The following ANGPT1 variants were observed in gnomAD, a reference collection of about 807,000 sequenced individuals.
ANGPT1 encodes angiopoietin 1.
ANGPT1 carries 17 observed loss-of-function variants against 62.2 expected under a neutral mutation model. The observed-to-expected ratio is 0.27, with a 90% CI of 0.19 to 0.41. The LOEUF is 0.41. Among genes scored for constraint, ANGPT1 ranks in the 10% least tolerant of loss-of-function variants. ANGPT1 has a pLI of 1.00. For synonymous variants in ANGPT1, 199 were observed against 198.9 expected (o/e 1.00, Z 0.00); for missense variants, 478 against 594.9 (o/e 0.80, Z 2.04).
chr8:107,360,910 A>G (rs969296651), intron 1 of ANGPT1, among the ~76,000 whole-genome samples: 1 of 152,234 alleles, frequency 6.6e-6, no homozygotes, highest in Non-Finnish European at 1.5e-5. Flanking sequence ...AATAAGAAAC[A>G]TAATAATTTT....
At chr8:107,420,505 C>G (rs1810869823) in intron 1 of ANGPT1, among the ~76,000 whole-genome samples, 1 of 152,128 alleles carries the variant, frequency 6.6e-6, no homozygotes, top group South Asian at 2.1e-4. Flanking sequence ...AGTTGTCTCT[C>G]CTCTATTTAC....
At position 107,453,477 on chromosome 8, in the gene ANGPT1, A is replaced by G. The variant is rs147537278; in HGVS notation, c.297+43785T>C. ...GGCAGCAGGCAAAGAGAGAGCACTT[A>G]TACAGGGAAACTCCCCCTTATAAAA... On this transcript the variant is annotated intron_variant, in intron 1 of 8. Coordinates refer to ENST00000517746, the MANE Select transcript of ANGPT1 (RefSeq NM_001146.5). Among the ~76,000 whole-genome samples the G allele has an allele frequency of 9.4e-3, 1,433 of 152,016 alleles. 25 individuals are homozygous for G. The highest frequency in any genetic ancestry group is 0.032 in the African/African-American group (1,326 of 41,498).
At chr8:107,455,039 T>A (rs1444610709) in intron 1 of ANGPT1, among the ~76,000 whole-genome samples, 1 of 152,056 alleles carries the variant, frequency 6.6e-6, no homozygotes, top group Admixed American at 6.6e-5. Flanking sequence ...AAAATATTCC[T>A]TCAGAAGCCT....
intron 1 of ANGPT1, among the ~76,000 whole-genome samples, chr8:107,373,742 T>C (rs1269906054): frequency 6.6e-6 from 1 of 152,244 alleles, no homozygotes; most frequent in Non-Finnish European, 1.5e-5. Context: ...TGCCTCACTT[T>C]CCCTTCAGGT....
At chr8:107,264,027 G>T (rs969409561) in intron 8 of ANGPT1, among the ~76,000 whole-genome samples, 194 bp downstream of exon 8, 1 of 152,078 alleles carries the variant, frequency 6.6e-6, no homozygotes, top group Non-Finnish European at 1.5e-5. Context: ...GTTGGGGGAG[G>T]ACGCAAACCT....
chr8:107,464,065 G>A (rs138298910), intron 1 of ANGPT1, among the ~76,000 whole-genome samples: 163 of 152,274 alleles, frequency 1.1e-3, no homozygotes, highest in African/African-American at 3.7e-3. Flanking sequence ...AGTGTGGTGA[G>A]TAAGAACATA....
intron 1 of ANGPT1, among the ~76,000 whole-genome samples, chr8:107,404,147 TG>T (rs1371336623): frequency 6.6e-6 from 1 of 152,176 alleles, no homozygotes; most frequent in Non-Finnish European, 1.5e-5. Flanking sequence ...ACTCTTATTT[TG>T]TAGAGAGTAA....
intron 2 of ANGPT1, among the ~76,000 whole-genome samples, chr8:107,345,628 AGAGGG>A (rs1469211160): frequency 6.6e-6 from 1 of 152,180 alleles, no homozygotes; most frequent in East Asian, 1.9e-4. Context: ...ATTTTGTAGG[AGAGGG>A]TGAGCATTCT....
intron 1 of ANGPT1, among the ~76,000 whole-genome samples, chr8:107,360,497 GA>G (rs1395200803): frequency 6.6e-6 from 1 of 152,164 alleles, no homozygotes; most frequent in Non-Finnish European, 1.5e-5. Flanking sequence ...GTTAGGGCAA[GA>G]ATTACAAACA....
At chr8:107,308,784 A>G (rs1246106685) in intron 4 of ANGPT1, among the ~76,000 whole-genome samples, 1 of 152,162 alleles carries the variant, frequency 6.6e-6, no homozygotes, top group African/African-American at 2.4e-5. Context: ...ATCTAAAGGG[A>G]TAGAATAGAG....
At chr8:107,472,529 G>A (rs749619563) in intron 1 of ANGPT1, among the ~76,000 whole-genome samples, 12 of 151,944 alleles carry the variant, frequency 7.9e-5, no homozygotes, top group African/African-American at 2.7e-4. Flanking sequence ...GTTGGGTACC[G>A]TTCTTAAGAA....
chr8:107,424,283 A>G (rs1383222088), intron 1 of ANGPT1, among the ~76,000 whole-genome samples: 1 of 152,216 alleles, frequency 6.6e-6, no homozygotes, highest in Non-Finnish European at 1.5e-5. Flanking sequence ...TTGGAAATTC[A>G]AATCCATTTA....
chr8:107,366,916 C>T (rs1455798347), intron 1 of ANGPT1, among the ~76,000 whole-genome samples: 1 of 152,102 alleles, frequency 6.6e-6, no homozygotes, highest in Non-Finnish European at 1.5e-5. Context: ...ATCACTCATT[C>T]TGGGGAAAGT....
chr8:107,349,149 G>GATAGATAT (rs1307643717), intron 1 of ANGPT1, among the ~76,000 whole-genome samples: 1 of 151,952 alleles, frequency 6.6e-6, no homozygotes, highest in Non-Finnish European at 1.5e-5. Flanking sequence ...TAGATAGATA[G>GATAGATAT]ATAGATAGAT....
At chr8:107,407,954 T>A (rs995408160) in intron 1 of ANGPT1, among the ~76,000 whole-genome samples, 1 of 152,220 alleles carries the variant, frequency 6.6e-6, no homozygotes, top group Non-Finnish European at 1.5e-5. Context: ...AACTCAGCAG[T>A]GGGCTGCAGC....
intron 1 of ANGPT1, among the ~76,000 whole-genome samples, chr8:107,377,856 A>C (rs1377944916): frequency 6.6e-6 from 1 of 152,186 alleles, no homozygotes; most frequent in Non-Finnish European, 1.5e-5. Context: ...CCAAAGATTA[A>C]TATTTGTAAA....
chr8:107,459,984 T>C (rs1812023965), intron 1 of ANGPT1, among the ~76,000 whole-genome samples: 1 of 152,178 alleles, frequency 6.6e-6, no homozygotes, highest in Non-Finnish European at 1.5e-5. Flanking sequence ...TCCAAATGAT[T>C]GTTGGCAGAC....
intron 4 of ANGPT1, among the ~76,000 whole-genome samples, chr8:107,310,280 T>C (rs1421236848): frequency 6.6e-6 from 1 of 152,202 alleles, no homozygotes; most frequent in African/African-American, 2.4e-5. Context: ...TTTATCAATA[T>C]ATTGCTTTAC....
Position 107,413,268 on chromosome 8 carries a change from G to A in ANGPT1, c.298-66171C>T, listed in dbSNP as rs559640758. On this transcript the variant is annotated intron_variant, in intron 1 of 8. Coordinates refer to ENST00000517746, the MANE Select transcript of ANGPT1 (RefSeq NM_001146.5). ...TTATGAACACATTAAATTTGACTTC[G>A]TGTTAACTCTTCTTCCTGGTCCCCT... Among the ~76,000 whole-genome samples the A allele has an allele frequency of 1.4e-3, 208 of 152,168 alleles. 1 individual carries two copies. Among genetic ancestry groups the A allele is most frequent in the African/African-American group, 4.7e-3 (194 of 41,530 alleles).
Sources: gnomAD v4.1 joint callset for allele counts (sites outside exome capture counted in the v4.1 genomes callset) on GRCh38, gnomAD v4.1.1 for gene constraint, MANE v1.5 for transcripts, NCBI Gene and HGNC (gene_info 2026-07-23, HGNC 2026-07-21) for gene names.